CHRNB3: variants seen among roughly 807,000 people sequenced by gnomAD.
The protein encoded by CHRNB3 is neuronal acetylcholine receptor subunit beta-3.
In CHRNB3, 37 loss-of-function variants were observed where a neutral mutation model predicts 40.6. That is an observed-to-expected ratio of 0.91 (90% confidence interval 0.70 to 1.20). CHRNB3 has a LOEUF of 1.20. Among genes scored for constraint, CHRNB3 ranks in the 50% most tolerant of loss-of-function variants. The pLI is 0.00. For synonymous variants in CHRNB3, 207 were observed against 207.1 expected, an observed-to-expected ratio of 1.00 and a Z score of 0.00; for missense variants, 505 against 551.2, an observed-to-expected ratio of 0.92 and a Z score of 0.84.
intron 1 of CHRNB3, among the ~76,000 whole-genome samples, chr8:42,703,398 G>C (rs568973399): frequency 1.6e-4 from 17 of 103,602 alleles, no homozygotes; most frequent in African/African-American, 4.7e-4. Flanking sequence ...CCCTTCAGCC[G>C]GGGTGACAGA....
At chr8:42,710,350 A>G in intron 2 of CHRNB3, 40 bp from the exon 3 acceptor site, 1 of 1,445,470 alleles carries the variant, frequency 6.9e-7, no homozygotes, top group Non-Finnish European at 9.6e-7. Flanking sequence ...ACTTATTTTC[A>G]CTTCAACTTA....
chr8:42,725,562 G>A (rs1816294982), intron 3 of CHRNB3: 2 of 865,646 alleles, frequency 2.3e-6, no homozygotes, highest in East Asian at 5.1e-5. Context: ...GCTGGCAGAT[G>A]AGCTGATTGA....
At chr8:42,700,012 TTC>T (rs1414977379) in intron 1 of CHRNB3, among the ~76,000 whole-genome samples, 1 of 151,774 alleles carries the variant, frequency 6.6e-6, no homozygotes, top group Non-Finnish European at 1.5e-5. Flanking sequence ...CTTCAATAAT[TTC>T]TTTTCTTTTT....
At chr8:42,706,650 C>T (rs1815927177) in intron 1 of CHRNB3, among the ~76,000 whole-genome samples, 1 of 152,092 alleles carries the variant, frequency 6.6e-6, no homozygotes, top group South Asian at 2.1e-4. Flanking sequence ...CTGTGGGGTT[C>T]CAGGAAGGTT....
Position 42,708,880 on chromosome 8 carries a change from T to C in CHRNB3, c.204+12T>C, listed in dbSNP as rs1372354739. On this transcript the variant is annotated intron_variant, in intron 2 of 5. Coordinates refer to ENST00000289957, the MANE Select transcript of CHRNB3 (RefSeq NM_000749.5). ...AGCTTGTAGATGTGGTGAGTAATCC[T>C]TGGCACTTGGCTAAAAAGAACATGC... 6.2e-7 allele frequency: 1 copy of C among 1,605,952 alleles called. No individual in the cohort carries two copies. The highest frequency in any genetic ancestry group is 1.3e-5 in the African/African-American group (1 of 74,782).
intron 3 of CHRNB3, among the ~76,000 whole-genome samples, chr8:42,726,753 G>A (rs1816318946): frequency 6.6e-6 from 1 of 152,130 alleles, no homozygotes; most frequent in Non-Finnish European, 1.5e-5. Flanking sequence ...GCCTGCCAAA[G>A]TGCTGGGATT....
rs1418877763 is a variant in CHRNB3, at chr8:42,725,852, T to C, written c.250-4742T>C. Reference sequence around the variant, plus strand: ...TCCACTATACGCAGCATTTTTAGGTTCTGGGGGGTGACTTTTACAAAGACA... The same window carrying C: ...TCCACTATACGCAGCATTTTTAGGTCCTGGGGGGTGACTTTTACAAAGACA... On this transcript the variant is annotated intron_variant, in intron 3 of 5. Transcript: ENST00000289957. 6.1e-6 allele frequency: 5 copies of C among 813,112 alleles called. No individual in the cohort carries two copies. The Admixed American group carries it at 6.8e-5, about 11-fold the overall frequency. The allele number at this position is 813,112 out of a possible 1,614,324, so 50.4% of individuals were successfully genotyped here.
At chr8:42,698,016 A>G (rs897407562) in intron 1 of CHRNB3, among the ~76,000 whole-genome samples, 1 of 152,188 alleles carries the variant, frequency 6.6e-6, no homozygotes, top group Non-Finnish European at 1.5e-5. Flanking sequence ...AATTTTGTCC[A>G]ATATGCCCTG....
chr8:42,736,618 G>C lies in CHRNB3; in HGVS notation c.1377G>C (p.Ter459TyrextTer153). The C allele has an allele frequency of 1.2e-6, 2 of 1,614,116 alleles. No individual in the cohort carries two copies. The highest frequency in any genetic ancestry group is 1.7e-6 in the Non-Finnish European group (2 of 1,180,028). ...AGATGTGGCTACATAGTTACCATTA[G>C]GAATTTAAAAGACATAAGACTAAAT... is the stretch of plus-strand genomic sequence containing the variant. ...ALKMWLHSYH* is the reference protein window; with the variant it reads ...ALKMWLHSYHY The change falls in exon 6 of 6, where the codon TAG (stop) becomes TAC (tyrosine). Residue 459 changes from the stop codon to tyrosine (Y), a stop_lost. Coordinates refer to ENST00000289957, the MANE Select transcript of CHRNB3 (RefSeq NM_000749.5).
chr8:42,718,546 G>A (rs1816160706), intron 3 of CHRNB3, among the ~76,000 whole-genome samples: 1 of 151,838 alleles, frequency 6.6e-6, no homozygotes, highest in Non-Finnish European at 1.5e-5. Flanking sequence ...GGTGGCAGGT[G>A]CCTGTAGTCC....
chr8:42,719,808 T>A (rs1816186454), intron 3 of CHRNB3, among the ~76,000 whole-genome samples: 1 of 152,128 alleles, frequency 6.6e-6, no homozygotes. Flanking sequence ...TCGTCCAAGT[T>A]GTACAGCTAG....
At chr8:42,714,395 G>C (rs536703330) in intron 3 of CHRNB3, among the ~76,000 whole-genome samples, 1 of 151,942 alleles carries the variant, frequency 6.6e-6, no homozygotes, top group Non-Finnish European at 1.5e-5. Context: ...CCAGCTACTC[G>C]GGAGGCTGAG....
chr8:42,725,386 G>A (rs540592100), intron 3 of CHRNB3, among the ~76,000 whole-genome samples: 7 of 152,092 alleles, frequency 4.6e-5, no homozygotes, highest in Non-Finnish European at 7.4e-5. Context: ...CACCGCACCC[G>A]GCCAGCTACT....
intron 3 of CHRNB3, among the ~76,000 whole-genome samples, chr8:42,717,823 T>TC (rs1472628781): frequency 7.1e-6 from 1 of 141,352 alleles, no homozygotes; most frequent in Non-Finnish European, 1.6e-5. Context: ...CTCATCCTTT[T>TC]TTTTTTTTTT....
At chr8:42,707,805 C>A (rs973822509) in intron 1 of CHRNB3, among the ~76,000 whole-genome samples, 1 of 152,308 alleles carries the variant, frequency 6.6e-6, no homozygotes, top group Non-Finnish European at 1.5e-5. Flanking sequence ...GTGAGGGGCA[C>A]ACGGCTGGTG....
At chr8:42,730,385 A>T (rs962578669) in intron 3 of CHRNB3, among the ~76,000 whole-genome samples, 1 of 152,200 alleles carries the variant, frequency 6.6e-6, no homozygotes, top group Non-Finnish European at 1.5e-5. Flanking sequence ...TGTAACATGC[A>T]AAGTGTGTGG....
chr8:42,709,692 G>A (rs1375760082), intron 2 of CHRNB3, among the ~76,000 whole-genome samples: 1 of 152,170 alleles, frequency 6.6e-6, no homozygotes, highest in African/African-American at 2.4e-5. Flanking sequence ...ATGCAGAAGG[G>A]TGATCTTGGC....
rs869178430 is a variant in CHRNB3, at chr8:42,720,111, C to CTTTTTTTT, written c.249+9704_249+9711dup. On this transcript the variant is annotated intron_variant, in intron 3 of 5. Transcript: ENST00000289957. ...CAACCCTGCCCCACTCAGAAGCCTTCTTTTTTTTTTTTTTTTTTTTTTTTT... is the reference window on the plus strand; with the variant it reads ...CAACCCTGCCCCACTCAGAAGCCTTCTTTTTTTTTTTTTTTTTTTTTTTTTTTTTTTTT... Among the ~76,000 whole-genome samples, 92 of 48,802 alleles carry CTTTTTTTT rather than the reference C, an allele frequency of 1.9e-3. 15 individuals carry two copies. Among genetic ancestry groups the CTTTTTTTT allele is most frequent in the African/African-American group, 4.3e-3 (48 of 11,212 alleles). The allele number at this position is 48,802 out of a possible 152,430, so 32.0% of individuals were successfully genotyped here. A position where few individuals can be genotyped will look rare whatever the true frequency, so the allele number is the denominator to read the frequency against.
intron 3 of CHRNB3, among the ~76,000 whole-genome samples, chr8:42,714,338 A>ACG (rs1563609907): frequency 1.3e-3 from 197 of 151,874 alleles, no homozygotes; most frequent in African/African-American, 4.5e-3. Context: ...TACTAAAAAT[A>ACG]AAAAATAAAA....
Sources: gnomAD v4.1 joint callset for allele counts (sites outside exome capture counted in the v4.1 genomes callset) on GRCh38, gnomAD v4.1.1 for gene constraint, MANE v1.5 for transcripts, NCBI Gene and HGNC (gene_info 2026-07-23, HGNC 2026-07-21) for gene names.